Variants in PLGRKT observed in about 807,000 individuals in gnomAD.
PLGRKT encodes plasminogen receptor with a C-terminal lysine.
A neutral mutation model predicts 18.5 loss-of-function variants in PLGRKT; 22 were observed. The ratio of observed to expected loss-of-function variants is 1.19; its 90% CI spans 0.85 to 1.70. The LOEUF is 1.70. Among genes scored for constraint, PLGRKT ranks in the 40% most tolerant of loss-of-function variants. The pLI is 0.00. For missense variants in PLGRKT, 235 were observed against 174.4 expected, an observed-to-expected ratio of 1.35 and a Z score of -1.96; for synonymous variants, 72 against 52.8, an observed-to-expected ratio of 1.36 and a Z score of -1.58.
intron 3 of PLGRKT, among the ~76,000 whole-genome samples, chr9:5,428,517 T>G (rs1286508933): frequency 6.6e-6 from 1 of 152,174 alleles, no homozygotes; most frequent in African/African-American, 2.4e-5. Context: ...TGAGTGGCCA[T>G]TCTCTCCAGA....
At chr9:5,434,024 C>T (rs1271653734) in intron 2 of PLGRKT, among the ~76,000 whole-genome samples, 6 of 130,262 alleles carry the variant, frequency 4.6e-5, no homozygotes, top group Admixed American at 3.1e-4. Flanking sequence ...GCCTCTGCCC[C>T]GTTGCCCCAA....
chr9:5,399,705 C>G (rs1563779662), intron 3 of PLGRKT, among the ~76,000 whole-genome samples: 1 of 151,648 alleles, frequency 6.6e-6, no homozygotes, highest in East Asian at 1.9e-4. Flanking sequence ...TTAAAATACG[C>G]AGGCCAGGCA....
At chr9:5,366,189 G>C (rs1483261618) in intron 3 of PLGRKT, among the ~76,000 whole-genome samples, 1 of 152,016 alleles carries the variant, frequency 6.6e-6, no homozygotes, top group African/African-American at 2.4e-5. Context: ...AGGGATAAAT[G>C]AATTAATGCA....
At chr9:5,396,846 C>G (rs1586724598) in intron 3 of PLGRKT, among the ~76,000 whole-genome samples, 3 of 151,948 alleles carry the variant, frequency 2.0e-5, no homozygotes, top group Admixed American at 2.0e-4. Flanking sequence ...ATCTACAACT[C>G]CAACAAAGAC....
intron 3 of PLGRKT, among the ~76,000 whole-genome samples, chr9:5,373,012 G>A (rs1423503397): frequency 6.6e-6 from 1 of 152,132 alleles, no homozygotes; most frequent in South Asian, 2.1e-4. Flanking sequence ...CCGTCTACTT[G>A]CAATAATCAC....
chr9:5,425,063 A>G (rs922454124), intron 3 of PLGRKT, among the ~76,000 whole-genome samples: 2 of 152,322 alleles, frequency 1.3e-5, no homozygotes, highest in East Asian at 3.9e-4. Flanking sequence ...ACAATAAACA[A>G]CAAATAAACA....
intron 3 of PLGRKT, among the ~76,000 whole-genome samples, chr9:5,419,841 T>C (rs989058409): frequency 2.0e-5 from 3 of 152,158 alleles, no homozygotes; most frequent in Admixed American, 6.5e-5. Flanking sequence ...AGCATAAAAT[T>C]ACCATATGAC....
At chr9:5,369,413 C>A (rs557706525) in intron 3 of PLGRKT, among the ~76,000 whole-genome samples, 4 of 152,110 alleles carry the variant, frequency 2.6e-5, no homozygotes, top group South Asian at 4.2e-4. Context: ...CCAGTTAGAA[C>A]GGTGATCATT....
intron 3 of PLGRKT, among the ~76,000 whole-genome samples, chr9:5,399,175 T>A (rs1437869457): frequency 6.6e-6 from 1 of 151,854 alleles, no homozygotes; most frequent in Non-Finnish European, 1.5e-5. Flanking sequence ...TCTGGCTGCT[T>A]CCTGGAGTCT....
At chr9:5,367,252 A>T (rs1444730382) in intron 3 of PLGRKT, among the ~76,000 whole-genome samples, 1 of 152,134 alleles carries the variant, frequency 6.6e-6, no homozygotes, top group Non-Finnish European at 1.5e-5. Context: ...CTTTTCTAAA[A>T]TTCATATGAA....
intron 3 of PLGRKT, among the ~76,000 whole-genome samples, chr9:5,365,184 T>C (rs960669180): frequency 1.3e-5 from 2 of 151,956 alleles, no homozygotes; most frequent in Non-Finnish European, 1.5e-5. Context: ...GGGCAAGAAA[T>C]GTATAAGAGG....
chr9:5,433,063 C>A (rs1818863633), intron 2 of PLGRKT, among the ~76,000 whole-genome samples: 1 of 150,756 alleles, frequency 6.6e-6, no homozygotes. Flanking sequence ...GGGCCTCTGC[C>A]CGGCCGCCCC....
chr9:5,436,992 A>C (rs1462920196), intron 1 of PLGRKT, among the ~76,000 whole-genome samples: 1 of 152,200 alleles, frequency 6.6e-6, no homozygotes, highest in Non-Finnish European at 1.5e-5. Context: ...ATGTCTTGCT[A>C]CTTATACAAT....
chr9:5,427,123 T>C (rs1818717088), intron 3 of PLGRKT, among the ~76,000 whole-genome samples: 1 of 152,218 alleles, frequency 6.6e-6, no homozygotes, highest in Admixed American at 6.5e-5. Context: ...AATTTTTAAA[T>C]TACCCATCAT....
At chr9:5,377,990 T>C (rs1324090991) in intron 3 of PLGRKT, among the ~76,000 whole-genome samples, 1 of 152,054 alleles carries the variant, frequency 6.6e-6, no homozygotes, top group East Asian at 1.9e-4. Flanking sequence ...TCTCTGGCAA[T>C]TGTGGGGTTC....
At chr9:5,396,159 G>A (rs1412606814) in intron 3 of PLGRKT, among the ~76,000 whole-genome samples, 1 of 151,674 alleles carries the variant, frequency 6.6e-6, no homozygotes, top group East Asian at 1.9e-4. Context: ...CTCACAAAGT[G>A]CTGGGATTAC....
chr9:5,398,500 T>C (rs1448359851), intron 3 of PLGRKT, among the ~76,000 whole-genome samples: 1 of 151,932 alleles, frequency 6.6e-6, no homozygotes, highest in Non-Finnish European at 1.5e-5. Context: ...TAGCAAGTGC[T>C]TTGAATCTCC....
intron 3 of PLGRKT, among the ~76,000 whole-genome samples, chr9:5,403,579 G>A (rs1818198434): frequency 2.0e-5 from 3 of 152,160 alleles, no homozygotes; most frequent in Admixed American, 2.0e-4. Context: ...TTCACAGTAA[G>A]GATAAAGGCA....
intron 3 of PLGRKT, among the ~76,000 whole-genome samples, chr9:5,400,363 A>G (rs1172598209): frequency 1.3e-5 from 2 of 151,936 alleles, no homozygotes; most frequent in Admixed American, 6.6e-5. Flanking sequence ...ATAATTTGAC[A>G]TTTAAGTCAT....
Sources: gnomAD v4.1 joint callset for allele counts (sites outside exome capture counted in the v4.1 genomes callset) on GRCh38, gnomAD v4.1.1 for gene constraint, MANE v1.5 for transcripts, NCBI Gene and HGNC (gene_info 2026-07-23, HGNC 2026-07-21) for gene names.